The following STX18 variants were observed in gnomAD, a reference collection of about 807,000 sequenced individuals.
The protein encoded by STX18 is syntaxin-18.
In STX18, 40 loss-of-function variants were observed where a neutral mutation model predicts 50.1. That is an observed-to-expected ratio of 0.80 (90% confidence interval 0.62 to 1.04). The LOEUF (loss-of-function observed/expected upper bound fraction) is 1.04. Among genes scored for constraint, STX18 ranks in the 50% least tolerant of loss-of-function variants. The probability of loss-of-function intolerance (pLI) is 0.00; values close to 1 mark genes in which losing one functional copy is unlikely to be tolerated. For missense variants in STX18, 410 were observed against 415.8 expected, an observed-to-expected ratio of 0.99 and a Z score of 0.12; for synonymous variants, 158 against 151.8, an observed-to-expected ratio of 1.04 and a Z score of -0.30.
At chr4:4,527,710 G>T (rs992720058) in intron 1 of STX18, among the ~76,000 whole-genome samples, 2 of 149,112 alleles carry the variant, frequency 1.3e-5, no homozygotes, top group African/African-American at 4.9e-5. Flanking sequence ...ATCTGTGTGA[G>T]CCTAAAATAC....
At chr4:4,436,886 A>G (rs1001062394) in intron 6 of STX18, among the ~76,000 whole-genome samples, 12 of 151,024 alleles carry the variant, frequency 7.9e-5, no homozygotes, top group African/African-American at 2.9e-4. Context: ...GCATTTGCTC[A>G]TGCTGCTGCC....
At chr4:4,427,379 G>A (rs752134184) in intron 7 of STX18, among the ~76,000 whole-genome samples, 12 of 152,246 alleles carry the variant, frequency 7.9e-5, no homozygotes, top group Non-Finnish European at 1.5e-4. Flanking sequence ...GGCTATTTAA[G>A]AGAGTAAAAC....
At chr4:4,441,484 G>A (rs1726104903) in intron 5 of STX18, among the ~76,000 whole-genome samples, 1 of 152,068 alleles carries the variant, frequency 6.6e-6, no homozygotes, top group Non-Finnish European at 1.5e-5. Flanking sequence ...AAGATATAAT[G>A]AAAGAGAAGA....
At chr4:4,454,402 A>C (rs1459184989) in intron 5 of STX18, among the ~76,000 whole-genome samples, 1 of 152,198 alleles carries the variant, frequency 6.6e-6, no homozygotes, top group African/African-American at 2.4e-5. Context: ...TCTGCTGAGA[A>C]ACAAGAACTA....
At chr4:4,496,186 C>T (rs1049535677) in intron 1 of STX18, among the ~76,000 whole-genome samples, 1 of 152,120 alleles carries the variant, frequency 6.6e-6, no homozygotes, top group South Asian at 2.1e-4. Flanking sequence ...GCCAAAGCTG[C>T]CAATAAGCGA....
At chr4:4,490,309 T>C (rs947462744) in intron 1 of STX18, among the ~76,000 whole-genome samples, 2 of 152,192 alleles carry the variant, frequency 1.3e-5, no homozygotes, top group African/African-American at 4.8e-5. Context: ...AAGGGGCATC[T>C]TCCTAAACTT....
At chr4:4,507,885 C>T in intron 1 of STX18, 1 of 552,300 alleles carries the variant, frequency 1.8e-6, no homozygotes, top group Non-Finnish European at 3.2e-6. Flanking sequence ...TTCCTAGTCC[C>T]TTATGTTCTA....
chr4:4,534,314 A>G (rs2108928235), intron 1 of STX18, among the ~76,000 whole-genome samples: 1 of 152,332 alleles, frequency 6.6e-6, no homozygotes, highest in Admixed American at 6.5e-5. Context: ...AATTAAGAAG[A>G]AGGCATGAAT....
intron 5 of STX18, 94 bp from the exon 6 acceptor site, chr4:4,438,603 C>T: frequency 3.0e-6 from 3 of 984,392 alleles, no homozygotes; most frequent in Non-Finnish European, 4.6e-6. Flanking sequence ...TGCGCTTTTG[C>T]TCTGTGTCCC....
intron 1 of STX18, among the ~76,000 whole-genome samples, chr4:4,505,564 G>C (rs1392645121): frequency 2.6e-5 from 4 of 151,956 alleles, no homozygotes; most frequent in Non-Finnish European, 5.9e-5. Context: ...CGGATCACTT[G>C]AGGCCAGGTG....
intron 1 of STX18, among the ~76,000 whole-genome samples, chr4:4,539,877 G>A (rs1731500193): frequency 6.6e-6 from 1 of 152,196 alleles, no homozygotes; most frequent in Non-Finnish European, 1.5e-5. Context: ...ACCCAACTGT[G>A]CCTCCTGTCT....
chr4:4,484,546 CA>C (rs1483344059), intron 1 of STX18, among the ~76,000 whole-genome samples: 1 of 152,070 alleles, frequency 6.6e-6, no homozygotes, highest in African/African-American at 2.4e-5. Context: ...AATCATCATT[CA>C]AAAAATGAGA....
Position 4,512,901 on chromosome 4 carries a change from C to A in STX18, c.168+28896G>T, listed in dbSNP as rs959618469. On this transcript the variant is annotated intron_variant, in intron 1 of 10. Transcript: ENST00000306200. ...ATTAATAAAATATACTTTTAACATG[C>A]GACTCTGCCTCAGTCAACAGAAGAC... is the stretch of plus-strand genomic sequence containing the variant. 2.0e-5 allele frequency among the ~76,000 whole-genome samples: 3 copies of A among 152,186 alleles called. No homozygotes were observed. In the East Asian group the frequency reaches 5.8e-4, roughly 29 times the overall value.
chr4:4,479,398 C>T (rs886853817), intron 1 of STX18, among the ~76,000 whole-genome samples: 5 of 152,102 alleles, frequency 3.3e-5, no homozygotes, highest in Non-Finnish European at 7.3e-5. Context: ...CATCTGAGTA[C>T]AATTAAGTCA....
intron 2 of STX18, among the ~76,000 whole-genome samples, chr4:4,462,750 G>T (rs1009315302): frequency 1.3e-5 from 2 of 151,910 alleles, no homozygotes; most frequent in African/African-American, 4.8e-5. Context: ...ACAAAATGAA[G>T]AATGCCTCGG....
chr4:4,457,043 C>A (rs1412526406), intron 5 of STX18, 148 bp downstream of exon 5: 2 of 698,480 alleles, frequency 2.9e-6, no homozygotes, highest in Non-Finnish European at 2.4e-6. Context: ...GCCTGGCACA[C>A]AGTGAGTGCC....
At chr4:4,422,614 A>C (rs1577306620) in intron 9 of STX18, among the ~76,000 whole-genome samples, 1 of 151,104 alleles carries the variant, frequency 6.6e-6, no homozygotes, top group African/African-American at 2.4e-5. Flanking sequence ...AGAAAAAGAA[A>C]CTCCCGGTGA....
At position 4,420,958 on chromosome 4, in the gene STX18, G is replaced by C. The variant is rs760266856; in HGVS notation, c.832-14C>G. The C allele has an allele frequency of 6.2e-7, 1 of 1,613,422 alleles. No homozygotes were observed. Among genetic ancestry groups the C allele is most frequent in the Admixed American group, 1.7e-5 (1 of 60,022 alleles). ...AATCTCAGCTTCCTGTGGAAGAAAAGATAAATACAAGTTGAGTATCCTTTA... is the reference window on the plus strand; with the variant it reads ...AATCTCAGCTTCCTGTGGAAGAAAACATAAATACAAGTTGAGTATCCTTTA... On this transcript the variant is annotated splice_polypyrimidine_tract_variant and intron_variant, in intron 9 of 10. Coordinates refer to ENST00000306200, the MANE Select transcript of STX18 (RefSeq NM_016930.4). The surrounding 1 kb of genome is among the most constrained non-coding windows in gnomAD (Gnocchi z 4.3).
chr4:4,460,072 A>G (rs1434826002), intron 2 of STX18, among the ~76,000 whole-genome samples: 1 of 152,050 alleles, frequency 6.6e-6, no homozygotes, highest in South Asian at 2.1e-4. Flanking sequence ...GACATTTTCT[A>G]TCCCACTTCC....
Sources: allele counts gnomAD v4.1 joint callset (sites outside exome capture counted in the v4.1 genomes callset), GRCh38; gene constraint gnomAD v4.1.1; non-coding constraint Gnocchi (gnomAD v3.1); transcripts MANE v1.5; gene names NCBI Gene and HGNC (gene_info 2026-07-23, HGNC 2026-07-21).